VPS13B: variants seen among roughly 807,000 people sequenced by gnomAD.
The protein encoded by VPS13B is intermembrane lipid transfer protein VPS13B.
VPS13B carries 285 observed loss-of-function variants against 426.4 expected under a neutral mutation model. That is an observed-to-expected ratio of 0.67 (90% confidence interval 0.61 to 0.74). The LOEUF is 0.74. VPS13B is among the 30% of genes least tolerant of loss of function. The probability of loss-of-function intolerance (pLI) is 0.00; values close to 1 mark genes in which losing one functional copy is unlikely to be tolerated. For missense variants in VPS13B, 4,537 were observed against 4,782.6 expected (o/e 0.95, Z 1.51); for synonymous variants, 1,676 against 1,676.4 (o/e 1.00, Z 0.01).
chr8:99,390,333 G>A (rs1289041691), intron 20 of VPS13B, among the ~76,000 whole-genome samples: 1 of 152,098 alleles, frequency 6.6e-6, no homozygotes, highest in Non-Finnish European at 1.5e-5. Flanking sequence ...TCGATCTCCT[G>A]ACCTTGTGAT....
chr8:99,740,608 T>G (rs926113719), intron 39 of VPS13B, among the ~76,000 whole-genome samples: 5 of 152,170 alleles, frequency 3.3e-5, no homozygotes, highest in African/African-American at 1.2e-4. Context: ...AAACCCATCA[T>G]GCTAACAGCT....
intron 34 of VPS13B, among the ~76,000 whole-genome samples, chr8:99,646,235 G>A (rs909311764): frequency 1.3e-5 from 2 of 152,112 alleles, no homozygotes; most frequent in African/African-American, 4.8e-5. Flanking sequence ...TTCTTTTTGG[G>A]TGGGCACAGT....
intron 60 of VPS13B, 103 bp from the exon 61 acceptor site, chr8:99,871,345 C>T: frequency 1.9e-6 from 3 of 1,559,046 alleles, no homozygotes; most frequent in Non-Finnish European, 2.6e-6. Flanking sequence ...TGGTGAGGGC[C>T]CTTTGCCCTT....
At chr8:99,823,411 C>T (rs1479647671) in intron 50 of VPS13B, among the ~76,000 whole-genome samples, 1 of 152,116 alleles carries the variant, frequency 6.6e-6, no homozygotes, top group Non-Finnish European at 1.5e-5. Context: ...CTTGGTTCAT[C>T]ATAGGCATTA....
chr8:99,307,697 A>G (rs1342005811), intron 19 of VPS13B, among the ~76,000 whole-genome samples: 1 of 151,920 alleles, frequency 6.6e-6, no homozygotes, highest in Non-Finnish European at 1.5e-5. Flanking sequence ...GATTTTGTTT[A>G]TCTGTTAAAA....
chr8:99,326,590 G>A (rs987076323), intron 19 of VPS13B, among the ~76,000 whole-genome samples: 1 of 148,176 alleles, frequency 6.7e-6, no homozygotes, highest in South Asian at 2.1e-4. Flanking sequence ...GTAGAGATGA[G>A]GTTTTGCCAC....
chr8:99,652,904 T>TG (rs890846349), intron 34 of VPS13B, among the ~76,000 whole-genome samples: 43 of 152,244 alleles, frequency 2.8e-4, no homozygotes, highest in African/African-American at 1.0e-3. Flanking sequence ...ATCTCTTAAA[T>TG]GAGAGGCATT....
At chr8:99,422,012 C>T (rs1029387675) in intron 21 of VPS13B, among the ~76,000 whole-genome samples, 1 of 152,134 alleles carries the variant, frequency 6.6e-6, no homozygotes, top group African/African-American at 2.4e-5. Context: ...AAAGCACTTG[C>T]AGCAGTGCCT....
rs145804055 is a variant in VPS13B at position 99,503,142 on chromosome 8, G to A, written c.4157+192G>A. ...TTCAATAAAGGAAGTGACAGAAATTGTTTGGTTTCTCAGTGTATATAAAGT... is the reference window on the plus strand; with the variant it reads ...TTCAATAAAGGAAGTGACAGAAATTATTTGGTTTCTCAGTGTATATAAAGT... On this transcript the variant is annotated intron_variant, in intron 27 of 61. Transcript: ENST00000357162. 1.6e-4 allele frequency among the ~76,000 whole-genome samples: 25 copies of A among 152,308 alleles called. No homozygotes were observed. In the East Asian group the frequency reaches 4.0e-3, roughly 25 times the overall value.
chr8:99,849,275 T>C (rs1022525586), intron 55 of VPS13B, among the ~76,000 whole-genome samples: 2 of 152,340 alleles, frequency 1.3e-5, no homozygotes, highest in East Asian at 1.9e-4. Context: ...CTTAGAGCCA[T>C]ATTTTCCACC....
chr8:99,585,417 A>G (rs1826254584), intron 33 of VPS13B, among the ~76,000 whole-genome samples: 1 of 152,222 alleles, frequency 6.6e-6, no homozygotes, highest in Admixed American at 6.5e-5. Context: ...CCTCTGGAGA[A>G]TATGGATGCA....
chr8:99,707,874 A>G (rs1832552142), intron 36 of VPS13B, among the ~76,000 whole-genome samples: 1 of 152,146 alleles, frequency 6.6e-6, no homozygotes, highest in Non-Finnish European at 1.5e-5. Context: ...TTTCTGTTAT[A>G]CCAGTCTTTC....
At chr8:99,580,981 C>G (rs1826023231) in intron 33 of VPS13B, among the ~76,000 whole-genome samples, 1 of 105,648 alleles carries the variant, frequency 9.5e-6, no homozygotes, top group Non-Finnish European at 2.0e-5. Flanking sequence ...TGCATCTCTA[C>G]AAAACACACA....
At chr8:99,226,500 T>C (rs1021277594) in intron 17 of VPS13B, among the ~76,000 whole-genome samples, 4 of 152,180 alleles carry the variant, frequency 2.6e-5, no homozygotes, top group African/African-American at 9.7e-5. Flanking sequence ...ATTTAGGTGA[T>C]TTATTGTTTC....
chr8:99,236,407 G>A (rs568894448), intron 17 of VPS13B, among the ~76,000 whole-genome samples: 1 of 152,126 alleles, frequency 6.6e-6, no homozygotes, highest in African/African-American at 2.4e-5. Context: ...GTGCCACCAC[G>A]CCTGGCTAAT....
chr8:99,717,074 A>T (rs1832954783), intron 36 of VPS13B, 97 bp from the exon 37 acceptor site: 1 of 1,223,024 alleles, frequency 8.2e-7, no homozygotes. Flanking sequence ...ACTCTGACAA[A>T]GGATGAATTA....
In VPS13B at chr8:99,875,810, G is replaced by C; in HGVS notation, c.*144G>C. The C allele has an allele frequency of 9.5e-7, 1 of 1,048,226 alleles. No homozygotes were observed. The highest frequency in any genetic ancestry group is 1.4e-6 in the Non-Finnish European group (1 of 709,510). The allele number at this position is 1,048,226 out of a possible 1,614,324, so 64.9% of individuals were successfully genotyped here. On this transcript the variant is annotated 3_prime_UTR_variant, in exon 62 of 62. Transcript: ENST00000357162. ...CCTCAACCCACAAGTAGCTACGACT[G>C]CAAGCACCTGCCACCATAAAGGGCT...
In VPS13B at chr8:99,380,616, T is replaced by C. The variant is rs540034291; in HGVS notation, c.2825-3592T>C. Among the ~76,000 whole-genome samples, 45 of 152,218 alleles carry C rather than the reference T, an allele frequency of 3.0e-4. No homozygotes were observed. The South Asian group carries it at 8.9e-3, about 30-fold the overall frequency. ...GAATAGGAGTATACATGGCAAATTT[T>C]GGTTATTTGAAGATTCTGTGGAAAG... On this transcript the variant is annotated intron_variant, in intron 19 of 61. Transcript: ENST00000357162.
At chr8:99,803,051 A>G (rs1023479329) in intron 43 of VPS13B, among the ~76,000 whole-genome samples, 1 of 152,230 alleles carries the variant, frequency 6.6e-6, no homozygotes, top group African/African-American at 2.4e-5. Flanking sequence ...CAATTTCCTA[A>G]TGCTGCCAAA....
Sources: allele counts gnomAD v4.1 joint callset (sites outside exome capture counted in the v4.1 genomes callset), GRCh38; gene constraint gnomAD v4.1.1; transcripts MANE v1.5; gene names NCBI Gene and HGNC (gene_info 2026-07-23, HGNC 2026-07-21).